Variants in ROR1 observed in about 807,000 individuals in gnomAD.
The protein encoded by ROR1 is inactive tyrosine-protein kinase transmembrane receptor ROR1.
Under a neutral mutation model 78.8 loss-of-function variants are expected in ROR1, and 19 were observed. The ratio of observed to expected loss-of-function variants is 0.24; its 90% CI spans 0.17 to 0.35. The LOEUF is 0.35. Among genes scored for constraint, ROR1 ranks in the 10% least tolerant of loss-of-function variants. The probability of loss-of-function intolerance (pLI) is 1.00; values close to 1 mark genes in which losing one functional copy is unlikely to be tolerated. For missense variants in ROR1, 917 were observed against 1,177.8 expected (o/e 0.78, Z 3.24); for synonymous variants, 386 against 433.6 (o/e 0.89, Z 1.36).
chr1:63,848,547 C>T (rs1367709347), intron 1 of ROR1, among the ~76,000 whole-genome samples: 1 of 151,990 alleles, frequency 6.6e-6, no homozygotes, highest in Non-Finnish European at 1.5e-5. Flanking sequence ...TAAAAAACAC[C>T]TAATTTATTT....
At chr1:63,795,873 G>A (rs1644756818) in intron 1 of ROR1, among the ~76,000 whole-genome samples, 1 of 152,178 alleles carries the variant, frequency 6.6e-6, no homozygotes, top group South Asian at 2.1e-4. Context: ...GGGAAACTTA[G>A]TATGTAAGTA....
intron 1 of ROR1, among the ~76,000 whole-genome samples, chr1:63,921,491 C>T (rs1645653755): frequency 6.6e-6 from 1 of 152,152 alleles, no homozygotes; most frequent in East Asian, 1.9e-4. Flanking sequence ...CTGGATTTGG[C>T]CCCAGGCCCC....
intron 4 of ROR1, among the ~76,000 whole-genome samples, chr1:64,114,574 T>C (rs746067026): frequency 3.3e-5 from 5 of 152,148 alleles, no homozygotes; most frequent in Admixed American, 6.5e-5. Context: ...CATTTTTTTT[T>C]CTGCTCCACA....
At chr1:64,042,472 C>G (rs1312236165) in intron 2 of ROR1, among the ~76,000 whole-genome samples, 2 of 152,192 alleles carry the variant, frequency 1.3e-5, no homozygotes. Flanking sequence ...AGCCCATGCT[C>G]TTGGTTGGTG....
intron 1 of ROR1, among the ~76,000 whole-genome samples, chr1:63,987,541 A>T (rs1290338296): frequency 1.3e-5 from 2 of 152,206 alleles, no homozygotes; most frequent in Non-Finnish European, 2.9e-5. Context: ...TAAACATGTC[A>T]TTCTAATCAT....
intron 2 of ROR1, among the ~76,000 whole-genome samples, chr1:64,046,642 G>T (rs1424611080): frequency 6.6e-6 from 1 of 152,190 alleles, no homozygotes; most frequent in East Asian, 1.9e-4. Flanking sequence ...CTGAAGTTAG[G>T]GGAAGAGCAC....
At chr1:64,027,545 A>G (rs1465252489) in intron 2 of ROR1, among the ~76,000 whole-genome samples, 1 of 151,992 alleles carries the variant, frequency 6.6e-6, no homozygotes, top group Non-Finnish European at 1.5e-5. Flanking sequence ...CTCATCTCTC[A>G]TTGTATAATC....
chr1:63,910,968 C>G (rs1645565358), intron 1 of ROR1, among the ~76,000 whole-genome samples: 1 of 152,144 alleles, frequency 6.6e-6, no homozygotes, highest in Non-Finnish European at 1.5e-5. Flanking sequence ...AAAGAGATGA[C>G]TTTTGTATAA....
In ROR1 at chr1:63,997,868, A is replaced by T. The variant is rs142049081; in HGVS notation, c.92-11437A>T. Among the ~76,000 whole-genome samples the T allele has an allele frequency of 5.0e-3, 766 of 151,998 alleles. 6 individuals are homozygous for T. The highest frequency in any genetic ancestry group is 0.018 in the African/African-American group (738 of 41,496). On this transcript the variant is annotated intron_variant, in intron 1 of 8. Coordinates refer to ENST00000371079, the MANE Select transcript of ROR1 (RefSeq NM_005012.4). ...TAAAAGTCTTTACCCAATTGTGAGA[A>T]CTGCTACTTCGCTAAAAGTTTACCA...
At chr1:63,851,878 G>C (rs2100331596) in intron 1 of ROR1, among the ~76,000 whole-genome samples, 1 of 152,340 alleles carries the variant, frequency 6.6e-6, no homozygotes, top group South Asian at 2.1e-4. Flanking sequence ...AGGTTTTGCT[G>C]CTGGAAAGAT....
chr1:63,902,333 TTC>T (rs1371853440), intron 1 of ROR1, among the ~76,000 whole-genome samples: 12 of 151,546 alleles, frequency 7.9e-5, no homozygotes, highest in Non-Finnish European at 5.9e-5. Context: ...CCTTTTTTTT[TTC>T]TTTTAAGAGT....
chr1:64,170,716 C>T (rs1650212879), intron 8 of ROR1, among the ~76,000 whole-genome samples: 1 of 152,148 alleles, frequency 6.6e-6, no homozygotes, highest in Non-Finnish European at 1.5e-5. Flanking sequence ...AAACTGAATG[C>T]CTTTAACAGC....
intron 1 of ROR1, among the ~76,000 whole-genome samples, chr1:64,004,136 G>A (rs1646409330): frequency 6.6e-6 from 1 of 152,184 alleles, no homozygotes; most frequent in East Asian, 1.9e-4. Context: ...TCTAAAGTCT[G>A]GCTCTATCTT....
intron 1 of ROR1, among the ~76,000 whole-genome samples, chr1:63,846,118 ATG>A (rs71056009): frequency 0.05 from 6,770 of 136,036 alleles, 161 homozygotes; most frequent in East Asian, 0.08. Flanking sequence ...GAGAGAGAGA[ATG>A]TGTGTGTGTG....
intron 7 of ROR1, among the ~76,000 whole-genome samples, chr1:64,150,748 A>T (rs1402225513): frequency 1.3e-5 from 2 of 152,250 alleles, no homozygotes. Flanking sequence ...CAGTCTCTAT[A>T]CATTTTCAAC....
At chr1:63,799,237 C>A (rs1644780876) in intron 1 of ROR1, among the ~76,000 whole-genome samples, 1 of 135,310 alleles carries the variant, frequency 7.4e-6, no homozygotes, top group South Asian at 2.4e-4. Flanking sequence ...AGTTGACATA[C>A]AAACAGCTTT....
At chr1:63,955,706 C>T (rs1339006623) in intron 1 of ROR1, among the ~76,000 whole-genome samples, 3 of 152,118 alleles carry the variant, frequency 2.0e-5, no homozygotes, top group African/African-American at 7.2e-5. Flanking sequence ...GCTCACAATC[C>T]TTAATAGACC....
chr1:64,120,326 G>C (rs774086064), intron 4 of ROR1, among the ~76,000 whole-genome samples: 12 of 152,102 alleles, frequency 7.9e-5, no homozygotes, highest in Non-Finnish European at 1.3e-4. Flanking sequence ...TTGCTACGGG[G>C]AGCCTAAAGC....
chr1:63,902,874 C>T (rs1254774577), intron 1 of ROR1, among the ~76,000 whole-genome samples: 3 of 152,150 alleles, frequency 2.0e-5, no homozygotes, highest in African/African-American at 7.2e-5. Flanking sequence ...GCCAGTCATC[C>T]TTAGTGTGTG....
Sources: gnomAD v4.1 joint callset for allele counts (sites outside exome capture counted in the v4.1 genomes callset) on GRCh38, gnomAD v4.1.1 for gene constraint, MANE v1.5 for transcripts, NCBI Gene and HGNC (gene_info 2026-07-23, HGNC 2026-07-21) for gene names.